The following SPATA32 variants were observed in gnomAD, a reference collection of about 807,000 sequenced individuals.
The protein encoded by SPATA32 is spermatogenesis associated 32.
Under a neutral mutation model 35.4 loss-of-function variants are expected in SPATA32, and 28 were observed. The observed-to-expected ratio is 0.79, with a 90% CI of 0.59 to 1.09. The LOEUF (loss-of-function observed/expected upper bound fraction) is 1.09. Among genes scored for constraint, SPATA32 ranks in the 50% least tolerant of loss-of-function variants. The probability of loss-of-function intolerance (pLI) is 0.00; values close to 1 mark genes in which losing one functional copy is unlikely to be tolerated. For missense variants in SPATA32, 409 were observed against 475.9 expected, an observed-to-expected ratio of 0.86 and a Z score of 1.31; for synonymous variants, 168 against 196.3, an observed-to-expected ratio of 0.86 and a Z score of 1.20.
intron 1 of SPATA32, chr17:45,259,833 A>T (rs1368651117): frequency 6.6e-6 from 1 of 152,112 alleles, no homozygotes; most frequent in Non-Finnish European, 1.5e-5. Flanking sequence ...TTTATTTTTT[A>T]AAATGTTAAA....
At chr17:45,261,719 C>A in intron 1 of SPATA32, 2 of 389,228 alleles carry the variant, frequency 5.1e-6, no homozygotes, top group Non-Finnish European at 9.1e-6. Flanking sequence ...TCTCAGAACC[C>A]CTTCAAGAAC....
At chr17:45,254,596 G>C in intron 4 of SPATA32, 83 bp from the exon 5 acceptor site, 1 of 1,228,714 alleles carries the variant, frequency 8.1e-7, no homozygotes, top group Non-Finnish European at 1.2e-6. Flanking sequence ...CCTCTGAAGA[G>C]GTCGCTGGGG....
rs1405996781 is a variant in SPATA32, at chr17:45,256,619, T to G, written c.69-204A>C. Among the ~76,000 whole-genome samples, 1 of 149,082 alleles carries G rather than the reference T, an allele frequency of 6.7e-6. No individual in the cohort carries two copies. The highest frequency in any genetic ancestry group is 1.9e-4 in the East Asian group (1 of 5,188). On this transcript the variant is annotated intron_variant, in intron 2 of 4. Transcript: ENST00000331780. This position sits in a 1 kb window ranked among gnomAD's most constrained non-coding sequence, Gnocchi z 4.7. ...AAGTCTGCGGTTGTATTCTGAAACTTTAGTGAGTTTAGGAAGCTGCTTGCC... is the reference window on the plus strand; with the variant it reads ...AAGTCTGCGGTTGTATTCTGAAACTGTAGTGAGTTTAGGAAGCTGCTTGCC...
intron 1 of SPATA32, among the ~76,000 whole-genome samples, chr17:45,259,073 G>C (rs770519979): frequency 6.6e-5 from 10 of 151,350 alleles, no homozygotes; most frequent in Non-Finnish European, 1.0e-4. Context: ...TTTCTACATA[G>C]ACAATAATGT....
Position 45,255,128 on chromosome 17 carries a change from C to T in SPATA32, c.1054G>A (p.Gly352Arg), listed in dbSNP as rs1465075664. Residue 352 changes from glycine (G) to arginine (R), a missense_variant, in exon 4 of 5, where the codon GGA (glycine) becomes AGA (arginine). Coordinates refer to ENST00000331780, the MANE Select transcript of SPATA32 (RefSeq NM_152343.3). This position sits in a 1 kb window ranked among gnomAD's most constrained non-coding sequence, Gnocchi z 5.4. The part of the protein sequence containing the change: ...QPPATSPLLQ[G>R]SKEDSVPPGK... ...GGCCTCACTCACTCTTCCTTGCTTC[C>T]CTGCAGCAGAGGGGACGTGGCTGGT... The T allele has an allele frequency of 1.2e-6, 2 of 1,614,030 alleles. No homozygotes were observed. The highest frequency in any genetic ancestry group is 1.7e-5 in the Admixed American group (1 of 60,010).
In SPATA32 at chr17:45,256,493, G is replaced by T; in HGVS notation, c.69-78C>A. 7.6e-7 allele frequency: 1 copy of T among 1,307,460 alleles called. No homozygotes were observed. Among genetic ancestry groups the T allele is most frequent in the Non-Finnish European group, 1.1e-6 (1 of 901,894 alleles). The allele number at this position is 1,307,460 out of a possible 1,614,324, so 81.0% of individuals were successfully genotyped here. A position where few individuals can be genotyped will look rare whatever the true frequency, so the allele number is the denominator to read the frequency against. ...GAAGGGGGTTTCTGGGGCCCTCAAA[G>T]CCCTCTGCCTTGTAACAGAAGCTGG... On this transcript the variant is annotated intron_variant, in intron 2 of 4. Coordinates refer to ENST00000331780, the MANE Select transcript of SPATA32 (RefSeq NM_152343.3). This position sits in a 1 kb window ranked among gnomAD's most constrained non-coding sequence, Gnocchi z 4.7.
chr17:45,262,081 T>C lies in SPATA32; in HGVS notation c.-65A>G. The C allele has an allele frequency of 1.5e-6, 2 of 1,309,306 alleles. No homozygotes were observed. The highest frequency in any genetic ancestry group is 2.0e-6 in the Non-Finnish European group (2 of 1,020,182). 81.1% of individuals were successfully genotyped at this position (1,309,306 alleles called of 1,614,324 possible). A position where few individuals can be genotyped will look rare whatever the true frequency, so the allele number is the denominator to read the frequency against. The stretch of plus-strand genomic sequence containing the variant: ...GTGGATGCTGCCTCTCCGCCTCCAG[T>C]GTGCTCTTTGGCTGAGGGACTGGTG... On this transcript the variant is annotated 5_prime_UTR_variant, in exon 1 of 5. Transcript: ENST00000331780.
At chr17:45,261,174 C>T (rs2143739118) in intron 1 of SPATA32, among the ~76,000 whole-genome samples, 1 of 148,738 alleles carries the variant, frequency 6.7e-6, no homozygotes, top group Admixed American at 6.8e-5. Flanking sequence ...ACTGCAACTC[C>T]TGGGCTCCAG....
chr17:45,258,046 T>G (rs56276534), intron 1 of SPATA32, among the ~76,000 whole-genome samples: 1 of 152,006 alleles, frequency 6.6e-6, no homozygotes, highest in Non-Finnish European at 1.5e-5. Flanking sequence ...CCTGCCATCA[T>G]GCAAGGTGGG....
At chr17:45,254,686 G>A (rs2043938986) in intron 4 of SPATA32, among the ~76,000 whole-genome samples, 173 bp from the exon 5 acceptor site, 1 of 152,150 alleles carries the variant, frequency 6.6e-6, no homozygotes, top group Non-Finnish European at 1.5e-5. Flanking sequence ...AAAGCAAGGT[G>A]TACTGGAGAG....
intron 1 of SPATA32, among the ~76,000 whole-genome samples, chr17:45,258,993 T>C (rs938152308): frequency 6.6e-6 from 1 of 152,144 alleles, no homozygotes; most frequent in Admixed American, 6.6e-5. Flanking sequence ...ATCCATCTTT[T>C]GTATCCTGCA....
chr17:45,257,270 C>A, intron 1 of SPATA32, 63 bp from the exon 2 acceptor site: 1 of 1,531,192 alleles, frequency 6.5e-7, no homozygotes, highest in South Asian at 1.2e-5. Flanking sequence ...CAGAGGGATT[C>A]CGGAGCCAGC....
chr17:45,260,032 GGCAGACGTT>G (rs969200764), intron 1 of SPATA32: 4 of 151,650 alleles, frequency 2.6e-5, no homozygotes, highest in African/African-American at 9.7e-5. Flanking sequence ...CGGCCCGGGA[GGCAGACGTT>G]GCAGTGAGCC....
chr17:45,256,147 G>A lies in SPATA32; in HGVS notation c.109-74C>T. On this transcript the variant is annotated intron_variant, in intron 3 of 4. Coordinates refer to ENST00000331780, the MANE Select transcript of SPATA32 (RefSeq NM_152343.3). The surrounding 1 kb of genome is among the most constrained non-coding windows in gnomAD (Gnocchi z 4.7). ...CCCCTGAGGCCCTCCCTGGCACCGA[G>A]TCCCTGCCCCACCCCTGCCCTGGGT... 1.3e-6 allele frequency: 2 copies of A among 1,497,022 alleles called. No homozygotes were observed. Among genetic ancestry groups the A allele is most frequent in the Non-Finnish European group, 1.8e-6 (2 of 1,098,538 alleles). The allele number at this position is 1,497,022 out of a possible 1,614,324, so 92.7% of individuals were successfully genotyped here. A position where few individuals can be genotyped will look rare whatever the true frequency, so the allele number is the denominator to read the frequency against.
chr17:45,256,110 C>A lies in SPATA32; in HGVS notation c.109-37G>T, dbSNP rs751271295. On this transcript the variant is annotated intron_variant, in intron 3 of 4. Coordinates refer to ENST00000331780, the MANE Select transcript of SPATA32 (RefSeq NM_152343.3). The surrounding 1 kb of genome is among the most constrained non-coding windows in gnomAD (Gnocchi z 4.7). ...CAACTCAAAGCTGAGGAGGCAGGAG[C>A]GGGAGGTCCTGCCCCTGAGGCCCTC... The A allele has an allele frequency of 1.3e-6, 2 of 1,566,324 alleles. No homozygotes were observed. Among genetic ancestry groups the A allele is most frequent in the African/African-American group, 1.4e-5 (1 of 73,654 alleles).
intron 2 of SPATA32, 41 bp downstream of exon 2, chr17:45,257,112 G>T (rs760095404): frequency 6.2e-7 from 1 of 1,606,740 alleles, no homozygotes. Flanking sequence ...GGTCCTGGAG[G>T]GCTCGGGGGA....
rs765458581 is a variant in SPATA32 at position 45,255,661 on chromosome 17, G to A, written c.521C>T (p.Ala174Val). Residue 174 changes from alanine (A) to valine (V), a missense_variant, in exon 4 of 5, where the codon GCC becomes GTC. Coordinates refer to ENST00000331780, the MANE Select transcript of SPATA32 (RefSeq NM_152343.3). This position sits in a 1 kb window ranked among gnomAD's most constrained non-coding sequence, Gnocchi z 5.4. ...GCCATTGTTGAGCTGCATGTTGATG[G>A]CCCGCTGCAGGCTGTGCTCTGAGGC... is the stretch of plus-strand genomic sequence containing the variant. Reference protein sequence around the residue: ...IQASEHSLQRAINMQLNNGSA... With the variant: ...IQASEHSLQRVINMQLNNGSA... The A allele has an allele frequency of 6.2e-7, 1 of 1,614,036 alleles. No individual in the cohort carries two copies. Among genetic ancestry groups the A allele is most frequent in the Admixed American group, 1.7e-5 (1 of 60,024 alleles).
chr17:45,257,103 G>T, intron 2 of SPATA32, 50 bp downstream of exon 2: 1 of 1,597,910 alleles, frequency 6.3e-7, no homozygotes, highest in South Asian at 1.1e-5. Flanking sequence ...GAGGTCGGAG[G>T]TCCTGGAGGG....
Position 45,257,185 on chromosome 17 carries a change from G to A in SPATA32, c.36C>T (p.Cys12=), listed in dbSNP as rs771967200. ...CTGCAACCTCCACTGACCCTTTGCC[G>A]CAGCATGGAAATCCATGGGCACCTG... The part of the protein sequence containing the change: ...GVTGAHGFPC[C]GKGSVEVAEM... Residue 12 remains cysteine, a synonymous_variant, in exon 2 of 5, where the codon TGC becomes TGT. Coordinates refer to ENST00000331780, the MANE Select transcript of SPATA32 (RefSeq NM_152343.3). 61 of 1,611,970 alleles carry A rather than the reference G, an allele frequency of 3.8e-5. No homozygotes were observed. In the Admixed American group the frequency reaches 6.5e-4, roughly 17 times the overall value.
Sources: allele counts gnomAD v4.1 joint callset (sites outside exome capture counted in the v4.1 genomes callset), GRCh38; gene constraint gnomAD v4.1.1; non-coding constraint Gnocchi (gnomAD v3.1); transcripts MANE v1.5; gene names NCBI Gene and HGNC (gene_info 2026-07-23, HGNC 2026-07-21).